The following DSC2 variants were observed in gnomAD, a reference collection of about 807,000 sequenced individuals.
DSC2 encodes the protein desmocollin-2.
Under a neutral mutation model 87.6 loss-of-function variants are expected in DSC2, and 51 were observed. The observed-to-expected ratio is 0.58, with a 90% CI of 0.46 to 0.74. DSC2 has a LOEUF of 0.74. Ranked by LOEUF, DSC2 falls within the 30% of genes least tolerant of loss-of-function variation. The probability of loss-of-function intolerance (pLI) is 0.00; values close to 1 mark genes in which losing one functional copy is unlikely to be tolerated. For synonymous variants in DSC2, 383 were observed against 393.2 expected (o/e 0.97, Z 0.31); for missense variants, 1,066 against 1,089.5 (o/e 0.98, Z 0.30).
chr18:31,098,953 G>A (rs1987848981), intron 1 of DSC2, among the ~76,000 whole-genome samples: 1 of 152,148 alleles, frequency 6.6e-6, no homozygotes, highest in Admixed American at 6.5e-5. Flanking sequence ...TTAAGGAAGG[G>A]GAGCAGTGAG....
In DSC2 at chr18:31,093,605, T is replaced by G. The variant is rs766233641; in HGVS notation, c.108A>C (p.Thr36=). Residue 36 remains threonine, a synonymous_variant, in exon 2 of 16, where the codon ACA becomes ACC. Transcript: ENST00000280904. ...CATCTAGTTTGGAGGGAACATGTAA[T>G]GTCACATTTTTGCAGGCATCACTGG... ...IFASDACKNV[T]LHVPSKLDAE... 4.4e-6 allele frequency: 7 copies of G among 1,602,568 alleles called. No homozygotes were observed. Among genetic ancestry groups the G allele is most frequent in the Non-Finnish European group, 6.0e-6 (7 of 1,172,474 alleles).
chr18:31,095,585 A>C (rs1217126074), intron 1 of DSC2, among the ~76,000 whole-genome samples: 1 of 152,130 alleles, frequency 6.6e-6, no homozygotes, highest in East Asian at 1.9e-4. Context: ...GAAGATGAAA[A>C]ATGGTTGGAT....
rs1399123480 is a variant in DSC2 at position 31,074,874 on chromosome 18, A to G, written c.1697T>C (p.Ile566Thr). Reference sequence around the variant, plus strand: ...GCTGTTATCATTCACGTCTTGAAGTATAATGCCCAGTGTCCCCGTACATGT... The same window carrying G: ...GCTGTTATCATTCACGTCTTGAAGTGTAATGCCCAGTGTCCCCGTACATGT... The part of the protein sequence containing the change: ...GRTCTGTLGI[I>T]LQDVNDNSPF... Residue 566 changes from isoleucine (I) to threonine (T), a missense_variant, in exon 12 of 16, where the codon ATA becomes ACA. Transcript: ENST00000280904. 2.5e-6 allele frequency: 4 copies of G among 1,613,974 alleles called. No individual in the cohort carries two copies. The highest frequency in any genetic ancestry group is 3.4e-6 in the Non-Finnish European group (4 of 1,179,956).
intron 1 of DSC2, among the ~76,000 whole-genome samples, chr18:31,100,843 C>T (rs535217714): frequency 1.3e-5 from 2 of 152,048 alleles, no homozygotes; most frequent in African/African-American, 4.8e-5. Flanking sequence ...TTTTCCTCTT[C>T]CAGGGAGCCA....
chr18:31,072,424 A>T (rs778919088), intron 12 of DSC2, among the ~76,000 whole-genome samples: 2 of 152,332 alleles, frequency 1.3e-5, no homozygotes, highest in East Asian at 3.9e-4. Context: ...GACCAACTGC[A>T]CGTGTCTTAG....
At chr18:31,100,759 T>C (rs556301569) in intron 1 of DSC2, among the ~76,000 whole-genome samples, 2 of 152,306 alleles carry the variant, frequency 1.3e-5, no homozygotes, top group African/African-American at 4.8e-5. Context: ...GTTCCTCCCT[T>C]TGTCCTTCAA....
At chr18:31,076,264 T>C (rs1210346683) in intron 11 of DSC2, among the ~76,000 whole-genome samples, 1 of 152,072 alleles carries the variant, frequency 6.6e-6, no homozygotes, top group African/African-American at 2.4e-5. Flanking sequence ...TCAGGAGCAC[T>C]AGGCCACCAA....
At position 31,086,670 on chromosome 18, in the gene DSC2, G is replaced by A; in HGVS notation, c.848C>T (p.Ser283Phe). 1 of 1,614,124 alleles carries A rather than the reference G, an allele frequency of 6.2e-7. No individual in the cohort carries two copies. Among genetic ancestry groups the A allele is most frequent in the Non-Finnish European group, 8.5e-7 (1 of 1,180,014 alleles). ...PDTMHTRLKY[S>F]IIGQVPPSPT... is the part of the protein sequence containing the mutation. ...TGATGGTGGCACCTGCCCAATGATG[G>A]AGTACTTCAGGCGTGTGTGCATCGT... is the stretch of plus-strand genomic sequence containing the variant. Residue 283 changes from serine to phenylalanine, a missense_variant, in exon 7 of 16, where the codon TCC becomes TTC. Ser to Phe is a radical substitution (Grantham distance 155). Transcript: ENST00000280904.
At chr18:31,074,592 G>C (rs989063886) in intron 12 of DSC2, 91 bp downstream of exon 12, 2 of 1,189,188 alleles carry the variant, frequency 1.7e-6, no homozygotes, top group African/African-American at 1.5e-5. Flanking sequence ...TTTCCCACAT[G>C]GTGAATTTTC....
chr18:31,082,499 A>G, intron 8 of DSC2, 76 bp from the exon 9 acceptor site: 1 of 1,312,932 alleles, frequency 7.6e-7, no homozygotes, highest in South Asian at 1.2e-5. Context: ...AGTAAATCCT[A>G]CTCTTCTAAT....
At chr18:31,097,205 G>A (rs1033001765) in intron 1 of DSC2, among the ~76,000 whole-genome samples, 2 of 151,366 alleles carry the variant, frequency 1.3e-5, no homozygotes, top group African/African-American at 4.9e-5. Context: ...GGAGAATGGT[G>A]TGAACCCGAG....
intron 2 of DSC2, 26 bp from the exon 3 acceptor site, chr18:31,092,326 T>C (rs1987631216): frequency 1.3e-6 from 2 of 1,590,916 alleles, no homozygotes; most frequent in Non-Finnish European, 1.7e-6. Context: ...ACAGCAATCA[T>C]TTTTAAAGTA....
rs775579662 is a variant in DSC2, at chr18:31,080,307, C to T, written c.1309G>A (p.Val437Ile). ...CTGGAAAATGGAGCTTCATTAACTA[C>T]ACCAATTTGCAAGATCATCTGTTGC... Reference protein sequence around the residue: ...EKQQMILQIGVVNEAPFSREA... With the variant: ...EKQQMILQIGIVNEAPFSREA... The change falls in exon 10 of 16, where the codon GTA becomes ATA. Residue 437 changes from valine (V) to isoleucine (I), a missense_variant. By Grantham distance (29) the Val-to-Ile change is conservative (BLOSUM62 3). Coordinates refer to ENST00000280904, the MANE Select transcript of DSC2 (RefSeq NM_024422.6). 2 of 1,614,008 alleles carry T rather than the reference C, an allele frequency of 1.2e-6. No individual in the cohort carries two copies. The highest frequency in any genetic ancestry group is 1.1e-5 in the South Asian group (1 of 91,074).
At chr18:31,078,846 A>G (rs1400244637) in intron 11 of DSC2, among the ~76,000 whole-genome samples, 1 of 152,204 alleles carries the variant, frequency 6.6e-6, no homozygotes. Flanking sequence ...GTTCAAATTC[A>G]TGTTATAGAA....
At chr18:31,100,070 T>C (rs1402359584) in intron 1 of DSC2, among the ~76,000 whole-genome samples, 3 of 152,150 alleles carry the variant, frequency 2.0e-5, no homozygotes, top group African/African-American at 7.2e-5. Context: ...TTACACTTAG[T>C]ATTTACGCAT....
At chr18:31,070,179 G>T (rs1473288134) in intron 14 of DSC2, among the ~76,000 whole-genome samples, 6 of 151,976 alleles carry the variant, frequency 3.9e-5, no homozygotes, top group Admixed American at 3.3e-4. Flanking sequence ...TTCTTATAGG[G>T]TATTTACTTG....
At chr18:31,101,485 C>T (rs1435550537) in intron 1 of DSC2, 1 of 126,502 alleles carries the variant, frequency 7.9e-6, no homozygotes, top group Non-Finnish European at 1.4e-5. Context: ...GCCGCACGTT[C>T]CCGGGGAAGG....
At chr18:31,074,635 A>T in intron 12 of DSC2, 48 bp downstream of exon 12, 1 of 1,535,508 alleles carries the variant, frequency 6.5e-7, no homozygotes, top group Non-Finnish European at 8.9e-7. Context: ...AAAGTATCGC[A>T]GACATCCTGA....
Position 31,079,847 on chromosome 18 carries a change from C to T in DSC2, c.1663G>A (p.Gly555Arg), listed in dbSNP as rs1598580423. Residue 555 changes from glycine to arginine, a missense_variant and splice_region_variant, in exon 11 of 16, where the codon GGA becomes AGA. By Grantham distance (125) the Gly-to-Arg change is moderately radical. Transcript: ENST00000280904. ...YNITVLASDQ[G>R]GRTCTGTLGI... is the part of the protein sequence containing the mutation. ...AGCTGGCTTAAAGACAAATTCTTAC[C>T]TTGGTCTGATGCAAGGACTGTAATA... is the stretch of plus-strand genomic sequence containing the variant. 5 of 1,613,712 alleles carry T rather than the reference C, an allele frequency of 3.1e-6. No homozygotes were observed. The African/African-American group carries it at 4.0e-5, about 13-fold the overall frequency.
Sources: gnomAD v4.1 joint callset for allele counts (sites outside exome capture counted in the v4.1 genomes callset) on GRCh38, gnomAD v4.1.1 for gene constraint, MANE v1.5 for transcripts, NCBI Gene and HGNC (gene_info 2026-07-23, HGNC 2026-07-21) for gene names.